Variants in GARRE1 observed in about 807,000 individuals in gnomAD.
GARRE1 encodes granule associated Rac and RHOG effector protein 1.
Under a neutral mutation model 103.2 loss-of-function variants are expected in GARRE1, and 49 were observed. The observed-to-expected ratio is 0.47, with a 90% CI of 0.38 to 0.60. The LOEUF is 0.60. Ranked by LOEUF, GARRE1 falls within the 20% of genes least tolerant of loss-of-function variation. The probability of loss-of-function intolerance (pLI) is 0.00; values close to 1 mark genes in which losing one functional copy is unlikely to be tolerated. For missense variants in GARRE1, 1,199 were observed against 1,370.5 expected, an observed-to-expected ratio of 0.87 and a Z score of 1.98; for synonymous variants, 505 against 532.8, an observed-to-expected ratio of 0.95 and a Z score of 0.72.
chr19:34,293,844 C>T (rs779449849), intron 1 of GARRE1, among the ~76,000 whole-genome samples: 16 of 146,346 alleles, frequency 1.1e-4, no homozygotes, highest in South Asian at 2.2e-4. Flanking sequence ...CTGCAACCTC[C>T]GCCTCTCAGG....
intron 6 of GARRE1, among the ~76,000 whole-genome samples, chr19:34,329,900 A>G (rs1054631910): frequency 1.3e-5 from 2 of 152,150 alleles, no homozygotes; most frequent in Non-Finnish European, 2.9e-5. Context: ...CAACATAGCA[A>G]GACTCCACGT....
chr19:34,296,905 TA>T (rs1568533854), intron 1 of GARRE1, among the ~76,000 whole-genome samples: 1 of 152,160 alleles, frequency 6.6e-6, no homozygotes, highest in African/African-American at 2.4e-5. Context: ...TGGCCACCTC[TA>T]AGTACCTAGG....
chr19:34,310,970 CTTCT>C (rs2074033485), intron 2 of GARRE1, among the ~76,000 whole-genome samples: 2 of 151,754 alleles, frequency 1.3e-5, no homozygotes, highest in African/African-American at 4.8e-5. Flanking sequence ...TTTTTCCTTT[CTTCT>C]TTCTTTCTTT....
chr19:34,293,401 G>A (rs1406878656), intron 1 of GARRE1, among the ~76,000 whole-genome samples: 2 of 101,676 alleles, frequency 2.0e-5, no homozygotes, highest in Non-Finnish European at 4.3e-5. Context: ...TTCTCTTGGA[G>A]CATTTTTTTT....
At chr19:34,332,209 C>T (rs1292471552) in intron 7 of GARRE1, among the ~76,000 whole-genome samples, 1 of 151,738 alleles carries the variant, frequency 6.6e-6, no homozygotes, top group South Asian at 2.1e-4. Flanking sequence ...AGGGCTTGTT[C>T]ACAGTAATGA....
chr19:34,314,351 C>T (rs966187198), intron 2 of GARRE1, among the ~76,000 whole-genome samples: 1 of 149,664 alleles, frequency 6.7e-6, no homozygotes, highest in African/African-American at 2.5e-5. Flanking sequence ...CTACTTTTTG[C>T]AAAAAAAAAT....
chr19:34,313,874 C>T (rs548038934), intron 2 of GARRE1, among the ~76,000 whole-genome samples: 158 of 152,266 alleles, frequency 1.0e-3, no homozygotes, highest in African/African-American at 3.7e-3. Context: ...GATCTTGGCT[C>T]ACTGCAACCT....
chr19:34,351,420 C>A, intron 12 of GARRE1, 94 bp from the exon 13 acceptor site: 1 of 962,202 alleles, frequency 1.0e-6, no homozygotes, highest in Non-Finnish European at 1.7e-6. Context: ...GAACCAGGGC[C>A]TGGAGATGCT....
intron 3 of GARRE1, among the ~76,000 whole-genome samples, chr19:34,322,501 T>TA (rs2074093799): frequency 2.6e-5 from 4 of 152,036 alleles, no homozygotes; most frequent in Admixed American, 2.6e-4. Context: ...GGCATTTTAA[T>TA]ACTTATTTCT....
chr19:34,294,188 G>A (rs2073934286), intron 1 of GARRE1, among the ~76,000 whole-genome samples: 1 of 151,908 alleles, frequency 6.6e-6, no homozygotes, highest in Non-Finnish European at 1.5e-5. Context: ...TAGAGGCCAA[G>A]GTAGGAAGAT....
intron 9 of GARRE1, 33 bp from the exon 10 acceptor site, chr19:34,341,387 CTT>C (rs76355025): frequency 6.8e-5 from 76 of 1,118,680 alleles, no homozygotes; most frequent in Admixed American, 9.1e-5. Flanking sequence ...ATATATTTGT[CTT>C]TTTTTTTTTT....
chr19:34,296,631 G>C, intron 1 of GARRE1: 2 of 1,176,034 alleles, frequency 1.7e-6, no homozygotes, highest in East Asian at 2.3e-5. Flanking sequence ...CAGGAACCTG[G>C]GGTCCATCCA....
chr19:34,343,761 C>G (rs558226866), intron 10 of GARRE1, among the ~76,000 whole-genome samples: 5 of 152,070 alleles, frequency 3.3e-5, no homozygotes, highest in Non-Finnish European at 7.4e-5. Flanking sequence ...GTGGGAAGAT[C>G]GCTTGAGCTC....
chr19:34,326,414 C>A (rs532729139), intron 3 of GARRE1, among the ~76,000 whole-genome samples: 11 of 152,160 alleles, frequency 7.2e-5, no homozygotes, highest in African/African-American at 2.7e-4. Flanking sequence ...TCTAATAAAT[C>A]AAATATATAT....
At chr19:34,328,228 A>C in intron 6 of GARRE1, 77 bp downstream of exon 6, 1 of 1,511,204 alleles carries the variant, frequency 6.6e-7, no homozygotes, top group Non-Finnish European at 9.0e-7. Flanking sequence ...AAGGCTTGCG[A>C]AGGATGTAGA....
At chr19:34,335,917 C>G (rs2074159110) in intron 8 of GARRE1, among the ~76,000 whole-genome samples, 1 of 152,112 alleles carries the variant, frequency 6.6e-6, no homozygotes, top group Non-Finnish European at 1.5e-5. Flanking sequence ...TGGCAGTTCA[C>G]TTTGTGTCCT....
intron 1 of GARRE1, among the ~76,000 whole-genome samples, chr19:34,274,211 G>C (rs1318410584): frequency 6.6e-6 from 1 of 152,038 alleles, no homozygotes; most frequent in Non-Finnish European, 1.5e-5. Context: ...TTCGAGATCA[G>C]CCTGACCAAT....
chr19:34,347,243 C>T (rs1478156209), intron 10 of GARRE1, among the ~76,000 whole-genome samples: 1 of 152,074 alleles, frequency 6.6e-6, no homozygotes, highest in Non-Finnish European at 1.5e-5. Context: ...CGCCTGCCAC[C>T]GAACCCAGCT....
At chr19:34,266,609 G>T (rs2145954602) in intron 1 of GARRE1, among the ~76,000 whole-genome samples, 1 of 152,262 alleles carries the variant, frequency 6.6e-6, no homozygotes, top group African/African-American at 2.4e-5. Flanking sequence ...CTCCCAAAGT[G>T]CTGGAATTAC....
Sources: gnomAD v4.1 joint callset for allele counts (sites outside exome capture counted in the v4.1 genomes callset) on GRCh38, gnomAD v4.1.1 for gene constraint, MANE v1.5 for transcripts, NCBI Gene and HGNC (gene_info 2026-07-23, HGNC 2026-07-21) for gene names.